Variants in GALNT13 observed in about 807,000 individuals in gnomAD.
GALNT13 encodes polypeptide N-acetylgalactosaminyltransferase 13.
In GALNT13, 28 loss-of-function variants were observed where a neutral mutation model predicts 64.2. That is an observed-to-expected ratio of 0.44 (90% CI 0.32 to 0.60). The LOEUF (loss-of-function observed/expected upper bound fraction) is 0.60, where lower values mean the gene tolerates loss of function less well. GALNT13 is among the 20% of genes least tolerant of loss of function. The pLI is 0.05. For synonymous variants in GALNT13, 214 were observed against 224.6 expected (o/e 0.95, Z 0.42); for missense variants, 577 against 669.8 (o/e 0.86, Z 1.53).
At chr2:153,603,341 C>A in the GALNT13 span, among the ~76,000 whole-genome samples, 1 of 151,832 alleles carries the variant, frequency 6.6e-6, no homozygotes, top group Non-Finnish European at 1.5e-5. Context: ...AAGAACTAAG[C>A]CCCAAAGGAA....
chr2:154,068,809 TAACAC>T (rs1700597515), intron 3 of GALNT13, among the ~76,000 whole-genome samples: 1 of 152,062 alleles, frequency 6.6e-6, no homozygotes, highest in African/African-American at 2.4e-5. Flanking sequence ...TAGTATTTGA[TAACAC>T]AACAGGGTGA....
At chr2:154,251,257 C>G (rs1283603989) in intron 7 of GALNT13, among the ~76,000 whole-genome samples, 1 of 151,872 alleles carries the variant, frequency 6.6e-6, no homozygotes, top group East Asian at 1.9e-4. Flanking sequence ...ATTTTGATCC[C>G]TCGTAAGCAT....
chr2:153,173,558 A>G, the GALNT13 span, among the ~76,000 whole-genome samples: 1 of 151,838 alleles, frequency 6.6e-6, no homozygotes, highest in Non-Finnish European at 1.5e-5. Context: ...TAAAGACCAC[A>G]TTTAACCAAA....
the GALNT13 span, among the ~76,000 whole-genome samples, chr2:153,648,080 G>T: frequency 6.6e-6 from 1 of 152,094 alleles, no homozygotes; most frequent in East Asian, 1.9e-4. Context: ...TCACAATATT[G>T]ATTCTTCCTA....
At chr2:153,424,610 G>C in the GALNT13 span, among the ~76,000 whole-genome samples, 1 of 151,910 alleles carries the variant, frequency 6.6e-6, no homozygotes, top group South Asian at 2.1e-4. Flanking sequence ...AATAATGTCT[G>C]ATAAATCCAA....
At chr2:154,276,323 A>G (rs942283737) in intron 8 of GALNT13, among the ~76,000 whole-genome samples, 6 of 151,790 alleles carry the variant, frequency 4.0e-5, no homozygotes, top group African/African-American at 1.5e-4. Context: ...GGGTTCAAGC[A>G]ATTCTCATGC....
chr2:153,698,159 G>A, the GALNT13 span, among the ~76,000 whole-genome samples: 1 of 152,006 alleles, frequency 6.6e-6, no homozygotes, highest in African/African-American at 2.4e-5. Context: ...TATAAAGAGA[G>A]ATAACACTAT....
At chr2:153,228,420 A>G in the GALNT13 span, among the ~76,000 whole-genome samples, 2 of 152,214 alleles carry the variant, frequency 1.3e-5, no homozygotes, top group African/African-American at 4.8e-5. Flanking sequence ...TATTACAATG[A>G]TACAGACAAA....
At chr2:153,878,819 C>T (rs1445446134) in intron 1 of GALNT13, among the ~76,000 whole-genome samples, 1 of 152,208 alleles carries the variant, frequency 6.6e-6, no homozygotes, top group Admixed American at 6.5e-5. Flanking sequence ...GTTGGTTTTA[C>T]ATCCCAGGTT....
chr2:153,352,106 T>G, the GALNT13 span, among the ~76,000 whole-genome samples: 1 of 152,174 alleles, frequency 6.6e-6, no homozygotes, highest in Non-Finnish European at 1.5e-5. Context: ...TTGTTCCACA[T>G]CCTCAGCAAT....
intron 9 of GALNT13, among the ~76,000 whole-genome samples, chr2:154,330,208 A>G (rs896996421): frequency 6.6e-6 from 1 of 152,100 alleles, no homozygotes; most frequent in Admixed American, 6.6e-5. Context: ...TTAAATACAG[A>G]GAGAATGACC....
chr2:153,845,059 C>T, the GALNT13 span, among the ~76,000 whole-genome samples: 5 of 152,126 alleles, frequency 3.3e-5, no homozygotes, highest in African/African-American at 1.2e-4. Context: ...CTCATCTTCC[C>T]ATCTTCTTTC....
At chr2:154,287,693 C>T (rs978218884) in intron 8 of GALNT13, among the ~76,000 whole-genome samples, 8 of 152,032 alleles carry the variant, frequency 5.3e-5, no homozygotes, top group Admixed American at 2.0e-4. Flanking sequence ...ATGTGTTGCA[C>T]TCCACACCTC....
chr2:153,874,579 T>C (rs1352452577), intron 1 of GALNT13, among the ~76,000 whole-genome samples: 2 of 152,078 alleles, frequency 1.3e-5, no homozygotes, highest in Admixed American at 1.3e-4. Context: ...TAGGACAGTG[T>C]GGGGAAACTA....
At chr2:153,889,389 C>A (rs7591589) in intron 1 of GALNT13, among the ~76,000 whole-genome samples, 33,824 of 151,720 alleles carry the variant, frequency 0.22, 4,670 homozygotes, top group African/African-American at 0.37. Flanking sequence ...TTTTTAACCA[C>A]CCTCAAAGCC....
intron 3 of GALNT13, among the ~76,000 whole-genome samples, chr2:153,993,021 G>A (rs1450886376): frequency 6.6e-6 from 1 of 151,914 alleles, no homozygotes; most frequent in Non-Finnish European, 1.5e-5. Context: ...TAGACTCTGG[G>A]GAAGCATTTA....
chr2:153,563,088 T>C, the GALNT13 span, among the ~76,000 whole-genome samples: 4 of 128,000 alleles, frequency 3.1e-5, no homozygotes, highest in South Asian at 1.0e-3. Context: ...TTTATCTATG[T>C]ATCTATTTGT....
chr2:153,705,239 T>A, the GALNT13 span, among the ~76,000 whole-genome samples: 1 of 152,148 alleles, frequency 6.6e-6, no homozygotes, highest in Non-Finnish European at 1.5e-5. Flanking sequence ...TAGTCTTGAG[T>A]AAGTCGCTTT....
intron 3 of GALNT13, among the ~76,000 whole-genome samples, chr2:153,980,326 A>G (rs367773791): frequency 1.9e-4 from 29 of 152,274 alleles, no homozygotes; most frequent in African/African-American, 6.5e-4. Context: ...ACTAATTGCT[A>G]TGTGAAAAAA....
Sources: gnomAD v4.1 joint callset for allele counts (sites outside exome capture counted in the v4.1 genomes callset) on GRCh38, gnomAD v4.1.1 for gene constraint, MANE v1.5 for transcripts, NCBI Gene and HGNC (gene_info 2026-07-23, HGNC 2026-07-21) for gene names.